Variants in ANP32B observed in about 807,000 individuals in gnomAD.
The protein encoded by ANP32B is acidic nuclear phosphoprotein 32 family member B.
Under a neutral mutation model 32.2 loss-of-function variants are expected in ANP32B, and 6 were observed. The observed-to-expected ratio is 0.19, with a 90% CI of 0.10 to 0.37. ANP32B has a LOEUF of 0.37. Ranked by LOEUF, ANP32B falls within the 10% of genes least tolerant of loss-of-function variation. The pLI is 1.00. For missense variants in ANP32B, 204 were observed against 289.2 expected (o/e 0.71, Z 2.14); for synonymous variants, 98 against 105.8 (o/e 0.93, Z 0.45).
intron 1 of ANP32B, among the ~76,000 whole-genome samples, chr9:97,991,424 T>G (rs1033584100): frequency 2.6e-5 from 4 of 152,290 alleles, no homozygotes; most frequent in Non-Finnish European, 5.9e-5. Context: ...CTTGAACAGT[T>G]TTTTTTAGTG....
chr9:98,008,217 A>G (rs1294377049), intron 4 of ANP32B, among the ~76,000 whole-genome samples: 2 of 152,160 alleles, frequency 1.3e-5, no homozygotes, highest in Non-Finnish European at 2.9e-5. Flanking sequence ...ACAAGTGAGA[A>G]CATACGATAC....
At chr9:98,011,701 C>G (rs780751570) in intron 5 of ANP32B, among the ~76,000 whole-genome samples, 1 of 152,154 alleles carries the variant, frequency 6.6e-6, no homozygotes, top group Non-Finnish European at 1.5e-5. Context: ...GATGGTATGT[C>G]TGTTCCTTCA....
intron 1 of ANP32B, among the ~76,000 whole-genome samples, chr9:97,987,278 T>A (rs1012651241): frequency 2.0e-5 from 3 of 152,190 alleles, no homozygotes; most frequent in African/African-American, 7.2e-5. Context: ...GTAATCTTCA[T>A]GAAGAATGGT....
intron 4 of ANP32B, among the ~76,000 whole-genome samples, chr9:98,009,007 T>C (rs907104770): frequency 1.3e-5 from 2 of 152,188 alleles, no homozygotes; most frequent in African/African-American, 4.8e-5. Context: ...TATCTCCTGA[T>C]TCACAGGGCC....
At position 98,011,335 on chromosome 9, in the gene ANP32B, TGATGAA is replaced by T. The variant is rs982698297; in HGVS notation, c.593_598del (p.Glu198_Asp199del). On this transcript the variant is annotated inframe_deletion, in exon 5 of 7. Transcript: ENST00000339399. ...AAGAAGAGGAGTTTGATGAAGAAGA[TGATGAA>T]GATGAAGATGTAGAAGGGGATGAGG... The T allele has an allele frequency of 5.3e-5, 82 of 1,551,492 alleles. No homozygotes were observed. The highest frequency in any genetic ancestry group is 1.7e-4 in the Middle Eastern group (1 of 6,010).
At chr9:97,993,436 A>G (rs1012546296) in intron 1 of ANP32B, among the ~76,000 whole-genome samples, 1 of 152,124 alleles carries the variant, frequency 6.6e-6, no homozygotes, top group African/African-American at 2.4e-5. Context: ...GATTAATGCT[A>G]TTAAATATGG....
At chr9:97,996,733 A>G (rs1183007995) in intron 2 of ANP32B, among the ~76,000 whole-genome samples, 1 of 151,322 alleles carries the variant, frequency 6.6e-6, no homozygotes, top group Non-Finnish European at 1.5e-5. Flanking sequence ...AGCTGGGATT[A>G]CAGACATGCA....
chr9:98,014,053 G>A (rs1027369204), intron 6 of ANP32B, among the ~76,000 whole-genome samples: 2 of 152,034 alleles, frequency 1.3e-5, no homozygotes, highest in Admixed American at 6.5e-5. Context: ...GGTGTTCACT[G>A]TGCTGTTGGC....
At chr9:98,010,918 C>G (rs1229039362) in intron 4 of ANP32B, among the ~76,000 whole-genome samples, 1 of 151,990 alleles carries the variant, frequency 6.6e-6, no homozygotes, top group African/African-American at 2.4e-5. Context: ...AATGAACCCC[C>G]ATGTTCTTAT....
At chr9:97,986,129 A>G (rs1827730236) in intron 1 of ANP32B, among the ~76,000 whole-genome samples, 2 of 151,964 alleles carry the variant, frequency 1.3e-5, no homozygotes, top group East Asian at 1.9e-4. Flanking sequence ...CCACCAGTTC[A>G]TTTTTCAAGT....
intron 1 of ANP32B, among the ~76,000 whole-genome samples, chr9:97,993,114 TGGAA>T (rs1428673010): frequency 6.6e-6 from 1 of 151,974 alleles, no homozygotes; most frequent in Non-Finnish European, 1.5e-5. Context: ...TAAAGAAAAG[TGGAA>T]GGAAGGAAGA....
intron 6 of ANP32B, among the ~76,000 whole-genome samples, chr9:98,013,751 TAGTC>T (rs927211204): frequency 3.3e-5 from 5 of 151,666 alleles, no homozygotes; most frequent in Non-Finnish European, 5.9e-5. Context: ...ATTAAAAAAT[TAGTC>T]AGGCGTGGTG....
chr9:97,988,258 G>A (rs1209274606), intron 1 of ANP32B, among the ~76,000 whole-genome samples: 11 of 151,974 alleles, frequency 7.2e-5, no homozygotes, highest in Admixed American at 7.2e-4. Flanking sequence ...AGGGATTTTG[G>A]CTGTTTTAAA....
chr9:97,997,342 T>TTTCAG (rs1445032612), intron 2 of ANP32B, among the ~76,000 whole-genome samples: 4 of 152,190 alleles, frequency 2.6e-5, no homozygotes, highest in African/African-American at 9.7e-5. Context: ...AGCTGACCTG[T>TTTCAG]TTTTTTAACT....
At chr9:98,010,991 T>C (rs967693631) in intron 4 of ANP32B, among the ~76,000 whole-genome samples, 3 of 152,182 alleles carry the variant, frequency 2.0e-5, no homozygotes, top group African/African-American at 7.2e-5. Context: ...ACCCTTACCT[T>C]CTTCCCCACT....
At chr9:98,009,879 TAC>T (rs1264652869) in intron 4 of ANP32B, among the ~76,000 whole-genome samples, 4 of 152,260 alleles carry the variant, frequency 2.6e-5, no homozygotes, top group Admixed American at 2.0e-4. Context: ...GAAGCATTTT[TAC>T]AGTTTTATTT....
intron 4 of ANP32B, 94 bp from the exon 5 acceptor site, chr9:98,011,177 C>A: frequency 6.7e-7 from 1 of 1,484,660 alleles, no homozygotes; most frequent in Non-Finnish European, 9.0e-7. Flanking sequence ...GGCCTTACAG[C>A]ATTTGTTCTG....
chr9:98,001,956 C>T (rs1054206441), intron 3 of ANP32B, among the ~76,000 whole-genome samples: 1 of 152,114 alleles, frequency 6.6e-6, no homozygotes, highest in African/African-American at 2.4e-5. Flanking sequence ...TCCAGAGTCA[C>T]ACACCCTGTG....
chr9:98,008,028 C>G (rs1828116356), intron 4 of ANP32B, among the ~76,000 whole-genome samples: 1 of 151,560 alleles, frequency 6.6e-6, no homozygotes, highest in Non-Finnish European at 1.5e-5. Flanking sequence ...TTTTTAAGTT[C>G]AGGGGTACAT....
Sources: allele counts gnomAD v4.1 joint callset (sites outside exome capture counted in the v4.1 genomes callset), GRCh38; gene constraint gnomAD v4.1.1; transcripts MANE v1.5; gene names NCBI Gene and HGNC (gene_info 2026-07-23, HGNC 2026-07-21).